SORCS3: variants seen among roughly 807,000 people sequenced by gnomAD.
The protein encoded by SORCS3 is VPS10 domain-containing receptor SorCS3.
A neutral mutation model predicts 146.3 loss-of-function variants in SORCS3; 57 were observed. That is an observed-to-expected ratio of 0.39 (90% CI 0.31 to 0.49). The LOEUF is 0.49. Ranked by LOEUF, SORCS3 falls within the 20% of genes least tolerant of loss-of-function variation. The pLI is 0.92. For missense variants in SORCS3, 1,341 were observed against 1,575.5 expected (o/e 0.85, Z 2.52); for synonymous variants, 653 against 618.5 (o/e 1.06, Z -0.83).
At chr10:104,658,957 G>A (rs771729201) in intron 1 of SORCS3, among the ~76,000 whole-genome samples, 4 of 151,766 alleles carry the variant, frequency 2.6e-5, no homozygotes, top group South Asian at 2.1e-4. Flanking sequence ...GGTGTAAGTC[G>A]GTCAACATCT....
chr10:104,698,813 A>G (rs1460003848), intron 1 of SORCS3, among the ~76,000 whole-genome samples: 2 of 152,154 alleles, frequency 1.3e-5, no homozygotes, highest in Non-Finnish European at 2.9e-5. Context: ...GTTGTCCATC[A>G]TGAGCTATGA....
At chr10:105,105,319 G>A (rs2055813186) in intron 6 of SORCS3, 78 bp from the exon 7 acceptor site, 2 of 824,150 alleles carry the variant, frequency 2.4e-6, no homozygotes, top group Non-Finnish European at 4.1e-6. Flanking sequence ...CCCCCATGAA[G>A]TAGAGTTTTG....
chr10:105,201,912 G>A (rs943261043), intron 16 of SORCS3, among the ~76,000 whole-genome samples: 2 of 152,074 alleles, frequency 1.3e-5, no homozygotes, highest in African/African-American at 4.8e-5. Flanking sequence ...GGAGTCCCTT[G>A]CCCAGTTTTT....
At position 105,176,310 on chromosome 10, in the gene SORCS3, C is replaced by T. The variant is rs545133113; in HGVS notation, c.1902-1756C>T. ...CTGTAATCCCAGCACTTTGGGAGTC[C>T]GAGTGGGAGGATTGCTTGCAGCCAG... On this transcript the variant is annotated intron_variant, in intron 13 of 26. Transcript: ENST00000369701. Among the ~76,000 whole-genome samples, 7 of 151,930 alleles carry T rather than the reference C, an allele frequency of 4.6e-5. No homozygotes were observed. In the East Asian group the frequency reaches 7.8e-4, roughly 17 times the overall value.
At chr10:104,667,458 C>A (rs1485160647) in intron 1 of SORCS3, among the ~76,000 whole-genome samples, 1 of 152,128 alleles carries the variant, frequency 6.6e-6, no homozygotes, top group Non-Finnish European at 1.5e-5. Flanking sequence ...AAAACTGTTC[C>A]CCTGTTTTAT....
At chr10:104,814,834 ATTAT>A (rs1217204094) in intron 1 of SORCS3, among the ~76,000 whole-genome samples, 1 of 152,220 alleles carries the variant, frequency 6.6e-6, no homozygotes, top group Non-Finnish European at 1.5e-5. Flanking sequence ...CAGCAAGCTA[ATTAT>A]TTGTACTTCA....
chr10:104,927,513 A>G (rs1156432342), intron 3 of SORCS3, among the ~76,000 whole-genome samples: 2 of 152,202 alleles, frequency 1.3e-5, no homozygotes, highest in African/African-American at 4.8e-5. Flanking sequence ...GTGAACATTG[A>G]TGGGGGCTTC....
At chr10:104,896,848 T>G (rs760907809) in intron 2 of SORCS3, among the ~76,000 whole-genome samples, 5 of 152,088 alleles carry the variant, frequency 3.3e-5, no homozygotes, top group Non-Finnish European at 4.4e-5. Flanking sequence ...AATGGCAGAG[T>G]TGAGTAGCTG....
chr10:104,859,084 C>T (rs1011724965), intron 2 of SORCS3, among the ~76,000 whole-genome samples: 1 of 151,916 alleles, frequency 6.6e-6, no homozygotes, highest in East Asian at 1.9e-4. Context: ...TGCATACATG[C>T]ATTTACATGC....
rs2056978996 is a variant in SORCS3, at chr10:105,264,322, T to G, written c.*948T>G. 1 of 152,144 alleles carries G rather than the reference T, an allele frequency of 6.6e-6. No individual in the cohort carries two copies. Among genetic ancestry groups the G allele is most frequent in the East Asian group, 1.9e-4 (1 of 5,148 alleles). The allele number at this position is 152,144 out of a possible 1,614,324, so 9.4% of individuals were successfully genotyped here. On this transcript the variant is annotated 3_prime_UTR_variant, in exon 27 of 27. Coordinates refer to ENST00000369701, the MANE Select transcript of SORCS3 (RefSeq NM_014978.3). ...CAGCTTCCTCTCTAAAAGGAAAAAC[T>G]TGATATTTATCAGTCTGAGAAAATA...
chr10:105,157,634 A>G, intron 10 of SORCS3, among the ~76,000 whole-genome samples: 1 of 152,198 alleles, frequency 6.6e-6, no homozygotes, highest in East Asian at 1.9e-4. Flanking sequence ...GTTTTGGTAA[A>G]TGCTTGCTAG....
chr10:105,041,543 A>G (rs1217005897), intron 4 of SORCS3, among the ~76,000 whole-genome samples: 1 of 151,562 alleles, frequency 6.6e-6, no homozygotes, highest in African/African-American at 2.4e-5. Context: ...ATATACATAT[A>G]TAAAACTGTC....
At chr10:104,765,568 G>C (rs1400844945) in intron 1 of SORCS3, among the ~76,000 whole-genome samples, 1 of 152,206 alleles carries the variant, frequency 6.6e-6, no homozygotes, top group Admixed American at 6.5e-5. Flanking sequence ...CTTCCAGCCA[G>C]CCCCCTGTGC....
intron 20 of SORCS3, among the ~76,000 whole-genome samples, chr10:105,225,597 CT>C (rs905712598): frequency 2.2e-4 from 34 of 151,960 alleles, no homozygotes; most frequent in African/African-American, 7.7e-4. Context: ...TTTCAAATCA[CT>C]TTATCAATGT....
intron 20 of SORCS3, among the ~76,000 whole-genome samples, chr10:105,233,360 G>A (rs2056775439): frequency 6.7e-6 from 1 of 149,180 alleles, no homozygotes; most frequent in African/African-American, 2.4e-5. Flanking sequence ...GTATGTTTAT[G>A]TTGAACAAAT....
chr10:104,972,092 A>G (rs549283771), intron 3 of SORCS3, among the ~76,000 whole-genome samples: 15 of 152,224 alleles, frequency 9.9e-5, no homozygotes, highest in Admixed American at 2.0e-4. Flanking sequence ...AATGTACATT[A>G]TGTTGGGAAG....
At chr10:105,182,613 G>C (rs1368627829) in intron 14 of SORCS3, among the ~76,000 whole-genome samples, 1 of 152,124 alleles carries the variant, frequency 6.6e-6, no homozygotes, top group Non-Finnish European at 1.5e-5. Flanking sequence ...CAATCCATTT[G>C]AAGAAGTACG....
At chr10:104,774,854 C>T (rs982001439) in intron 1 of SORCS3, among the ~76,000 whole-genome samples, 1 of 152,174 alleles carries the variant, frequency 6.6e-6, no homozygotes, top group Non-Finnish European at 1.5e-5. Flanking sequence ...TCCAGAGTCC[C>T]TCTCAGCACT....
chr10:104,700,513 C>A (rs530504056), intron 1 of SORCS3, among the ~76,000 whole-genome samples: 1 of 152,174 alleles, frequency 6.6e-6, no homozygotes, highest in Non-Finnish European at 1.5e-5. Context: ...AAATTGTTGA[C>A]CCCACTTGGA....
Sources: gnomAD v4.1 joint callset for allele counts (sites outside exome capture counted in the v4.1 genomes callset) on GRCh38, gnomAD v4.1.1 for gene constraint, MANE v1.5 for transcripts, NCBI Gene and HGNC (gene_info 2026-07-23, HGNC 2026-07-21) for gene names.